EPB41L4A: variants seen among roughly 807,000 people sequenced by gnomAD.
The protein encoded by EPB41L4A is erythrocyte membrane protein band 4.1 like 4A.
EPB41L4A carries 100 observed loss-of-function variants against 108.6 expected under a neutral mutation model. The ratio of observed to expected loss-of-function variants is 0.92; its 90% CI spans 0.78 to 1.09. EPB41L4A has a LOEUF of 1.09. EPB41L4A is among the 50% of genes least tolerant of loss of function. The pLI is 0.00. For missense variants in EPB41L4A, 1,030 were observed against 842.7 expected (o/e 1.22, Z -2.75); for synonymous variants, 319 against 289.0 (o/e 1.10, Z -1.05).
intron 1 of EPB41L4A, among the ~76,000 whole-genome samples, chr5:112,356,670 A>C (rs1758378646): frequency 6.6e-6 from 1 of 152,196 alleles, no homozygotes; most frequent in Non-Finnish European, 1.5e-5. Context: ...TAATCACCTT[A>C]ACATCCTACA....
chr5:112,195,562 A>T (rs1389673640), intron 16 of EPB41L4A, 99 bp downstream of exon 16: 14 of 938,354 alleles, frequency 1.5e-5, no homozygotes, highest in South Asian at 3.0e-5. Flanking sequence ...TAAAAAAAAT[A>T]AAAAAAAATA....
chr5:112,355,003 G>GA (rs770493589), intron 1 of EPB41L4A, among the ~76,000 whole-genome samples: 1 of 151,872 alleles, frequency 6.6e-6, no homozygotes, highest in African/African-American at 2.4e-5. Flanking sequence ...GAGGAAGGGG[G>GA]AAAAAAATTG....
At chr5:112,400,381 G>C (rs1235859009) in intron 1 of EPB41L4A, among the ~76,000 whole-genome samples, 1 of 152,046 alleles carries the variant, frequency 6.6e-6, no homozygotes, top group Non-Finnish European at 1.5e-5. Flanking sequence ...CATATCACTG[G>C]GTCATTTATA....
At chr5:112,293,275 C>T (rs1001756056) in intron 2 of EPB41L4A, among the ~76,000 whole-genome samples, 12 of 150,958 alleles carry the variant, frequency 7.9e-5, no homozygotes, top group African/African-American at 1.7e-4. Flanking sequence ...CAGGTAATCT[C>T]GTGTCATGAG....
intron 1 of EPB41L4A, among the ~76,000 whole-genome samples, chr5:112,324,106 A>C (rs1482276767): frequency 6.6e-6 from 1 of 152,218 alleles, no homozygotes; most frequent in African/African-American, 2.4e-5. Context: ...GAGAGAGAAA[A>C]GTGGCACAGT....
intron 1 of EPB41L4A, among the ~76,000 whole-genome samples, chr5:112,359,710 T>G (rs377737548): frequency 6.6e-6 from 1 of 152,042 alleles, no homozygotes; most frequent in Admixed American, 6.5e-5. Flanking sequence ...CCAGCTAATT[T>G]TTTGTATTTT....
Position 112,364,474 on chromosome 5 carries a change from A to G in EPB41L4A, c.99+54467T>C, listed in dbSNP as rs540607951. 2.0e-5 allele frequency among the ~76,000 whole-genome samples: 3 copies of G among 152,350 alleles called. No homozygotes were observed. In the East Asian group the frequency reaches 5.8e-4, roughly 29 times the overall value. ...CGCCAGTAATACTGGTATTACTGCC[A>G]AATTCCTACATGATAGACACCATGA... On this transcript the variant is annotated intron_variant, in intron 1 of 22. Coordinates refer to ENST00000261486, the MANE Select transcript of EPB41L4A (RefSeq NM_022140.5).
intron 2 of EPB41L4A, among the ~76,000 whole-genome samples, chr5:112,285,273 T>A (rs1173880080): frequency 6.6e-6 from 1 of 152,142 alleles, no homozygotes; most frequent in Non-Finnish European, 1.5e-5. Context: ...CAAAACAACC[T>A]CTTGATCTAA....
chr5:112,388,501 T>C (rs1760713734), intron 1 of EPB41L4A, among the ~76,000 whole-genome samples: 1 of 152,132 alleles, frequency 6.6e-6, no homozygotes, highest in Non-Finnish European at 1.5e-5. Context: ...CTTTCATAGC[T>C]CCCACAGGTG....
intron 15 of EPB41L4A, among the ~76,000 whole-genome samples, chr5:112,201,573 T>A (rs941812682): frequency 6.6e-5 from 10 of 152,232 alleles, no homozygotes; most frequent in African/African-American, 2.2e-4. Flanking sequence ...TAGGGAGTGC[T>A]GACAAATTGC....
At chr5:112,410,234 T>A (rs1296098404) in intron 1 of EPB41L4A, among the ~76,000 whole-genome samples, 4 of 151,994 alleles carry the variant, frequency 2.6e-5, no homozygotes, top group African/African-American at 9.7e-5. Context: ...CAGACAAGTA[T>A]GAGGAGATGG....
rs927050519 is a variant in EPB41L4A, at chr5:112,193,600, C to T, written c.1502+968G>A. Among the ~76,000 whole-genome samples, 6 of 152,346 alleles carry T rather than the reference C, an allele frequency of 3.9e-5. No homozygotes were observed. In the East Asian group the frequency reaches 7.7e-4, roughly 20 times the overall value. On this transcript the variant is annotated intron_variant, in intron 17 of 22. Transcript: ENST00000261486. ...ACAGGCGTGAGCCACCGCACCTGGC[C>T]TTCCTCATTTTTCAGAAGAGAAAAA...
intron 1 of EPB41L4A, among the ~76,000 whole-genome samples, chr5:112,413,466 C>G (rs1238429815): frequency 6.6e-6 from 1 of 152,230 alleles, no homozygotes; most frequent in East Asian, 1.9e-4. Flanking sequence ...ACACTCCACT[C>G]ATTCTTCTAT....
At chr5:112,212,474 T>C (rs1747250260) in intron 12 of EPB41L4A, among the ~76,000 whole-genome samples, 1 of 152,000 alleles carries the variant, frequency 6.6e-6, no homozygotes. Context: ...TTTATAATTT[T>C]AGTAGAGACA....
chr5:112,325,177 C>G (rs1756065169), intron 1 of EPB41L4A, among the ~76,000 whole-genome samples: 1 of 152,194 alleles, frequency 6.6e-6, no homozygotes. Flanking sequence ...CGCGGTGGCT[C>G]ACGCCTGTAA....
chr5:112,178,220 T>C (rs1470610839), intron 18 of EPB41L4A, among the ~76,000 whole-genome samples: 2 of 152,092 alleles, frequency 1.3e-5, no homozygotes, highest in African/African-American at 4.8e-5. Context: ...GAGAAAGTAT[T>C]GCCAGAATAA....
At chr5:112,301,165 C>A (rs755099015) in intron 2 of EPB41L4A, among the ~76,000 whole-genome samples, 1 of 151,930 alleles carries the variant, frequency 6.6e-6, no homozygotes, top group Non-Finnish European at 1.5e-5. Context: ...GGGACTTTTT[C>A]TCGGTTTAGA....
At chr5:112,408,859 G>A (rs1229395017) in intron 1 of EPB41L4A, among the ~76,000 whole-genome samples, 1 of 152,040 alleles carries the variant, frequency 6.6e-6, no homozygotes, top group Non-Finnish European at 1.5e-5. Context: ...AGAATGTGGA[G>A]AAATTAGAAC....
In EPB41L4A at chr5:112,219,852, C is replaced by T. The variant is rs532804162; in HGVS notation, c.1088-9870G>A. 8.5e-5 allele frequency among the ~76,000 whole-genome samples: 13 copies of T among 152,300 alleles called. No homozygotes were observed. In the East Asian group the frequency reaches 1.5e-3, roughly 18 times the overall value. On this transcript the variant is annotated intron_variant, in intron 12 of 22. Transcript: ENST00000261486. ...CTGGGACTACAGATGCCCACCACCA[C>T]ACCCAGCTAATTTTTGTATTTTTAG...
Sources: allele counts gnomAD v4.1 joint callset (sites outside exome capture counted in the v4.1 genomes callset), GRCh38; gene constraint gnomAD v4.1.1; transcripts MANE v1.5; gene names NCBI Gene and HGNC (gene_info 2026-07-23, HGNC 2026-07-21).